Variants in PNPLA8 observed in about 807,000 individuals in gnomAD.
The protein encoded by PNPLA8 is patatin like domain 8, phospholipase A2, also known as calcium-independent phospholipase A2-gamma.
A neutral mutation model predicts 76.9 loss-of-function variants in PNPLA8; 39 were observed. The ratio of observed to expected loss-of-function variants is 0.51; its 90% CI spans 0.39 to 0.66. The LOEUF (loss-of-function observed/expected upper bound fraction) is 0.66, where lower values mean the gene tolerates loss of function less well. PNPLA8 is among the 30% of genes least tolerant of loss of function. The pLI is 0.00. For synonymous variants in PNPLA8, 301 were observed against 307.9 expected (o/e 0.98, Z 0.24); for missense variants, 887 against 918.0 (o/e 0.97, Z 0.44).
At chr7:108,497,415 A>AT (rs1272373094) in intron 6 of PNPLA8, 68 bp downstream of exon 6, 2 of 1,077,268 alleles carry the variant, frequency 1.9e-6, no homozygotes, top group East Asian at 2.4e-5. Context: ...GATCTTAAAC[A>AT]TAAGTGCTTA....
chr7:108,514,943 ATCT>A lies in PNPLA8; in HGVS notation c.546_548del (p.Glu182del), dbSNP rs1190119885. 1.2e-6 allele frequency: 2 copies of A among 1,609,564 alleles called. No homozygotes were observed. Among genetic ancestry groups the A allele is most frequent in the East Asian group, 2.2e-5 (1 of 44,858 alleles). ...AATGAAAAAGACTGCGTTTACCTAT[ATCT>A]TCTTCTTTGTCTATAATGTGACTTT... On this transcript the variant is annotated inframe_deletion, in exon 3 of 11. Transcript: ENST00000257694.
In PNPLA8 at chr7:108,515,239, T is replaced by G; in HGVS notation, c.253A>C (p.Lys85Gln). ...CCCTTGGGAGCAGAAGTGCTAAGTTTCAAAATCCCAATATGTAAACCATGG... is the reference window on the plus strand; with the variant it reads ...CCCTTGGGAGCAGAAGTGCTAAGTTGCAAAATCCCAATATGTAAACCATGG... The part of the protein sequence containing the change: ...SNHGLHIGIL[K>Q]LSTSAPKGLT... Residue 85 changes from lysine (K) to glutamine (Q), a missense_variant, in exon 3 of 11, where the codon AAA (lysine) becomes CAA (glutamine). Coordinates refer to ENST00000257694, the MANE Select transcript of PNPLA8 (RefSeq NM_001256007.3). The G allele has an allele frequency of 6.2e-7, 1 of 1,602,054 alleles. No individual in the cohort carries two copies. The highest frequency in any genetic ancestry group is 1.1e-5 in the South Asian group (1 of 90,220).
chr7:108,517,181 A>C (rs1245741679), intron 2 of PNPLA8, among the ~76,000 whole-genome samples: 1 of 152,252 alleles, frequency 6.6e-6, no homozygotes, highest in African/African-American at 2.4e-5. Flanking sequence ...TGTCATCAGG[A>C]AAATGCAAAC....
chr7:108,481,672 T>A (rs1357765533), intron 9 of PNPLA8, among the ~76,000 whole-genome samples: 1 of 152,228 alleles, frequency 6.6e-6, no homozygotes, highest in Admixed American at 6.5e-5. Context: ...CAGAGCTAAA[T>A]TTTTAATTTT....
intron 4 of PNPLA8, chr7:108,510,224 G>A: frequency 7.8e-7 from 1 of 1,283,414 alleles, no homozygotes; most frequent in Non-Finnish European, 1.1e-6. Context: ...TCTTTTTCCG[G>A]CTGGAACCAT....
intron 9 of PNPLA8, 103 bp from the exon 10 acceptor site, chr7:108,479,482 T>C: frequency 1.3e-6 from 1 of 776,968 alleles, no homozygotes; most frequent in African/African-American, 1.8e-5. Context: ...AGAGGTTCCT[T>C]AAAAGTGCAT....
chr7:108,476,025 CCAAT>C (rs1859966920), intron 10 of PNPLA8, among the ~76,000 whole-genome samples: 1 of 152,152 alleles, frequency 6.6e-6, no homozygotes, highest in Non-Finnish European at 1.5e-5. Context: ...GCTGTCTACA[CCAAT>C]CAAGTTTTCT....
At chr7:108,505,124 T>C (rs1022332824) in intron 4 of PNPLA8, among the ~76,000 whole-genome samples, 13 of 151,174 alleles carry the variant, frequency 8.6e-5, no homozygotes, top group Admixed American at 5.9e-4. Flanking sequence ...GATCCATATA[T>C]ACATCTCATT....
intron 9 of PNPLA8, among the ~76,000 whole-genome samples, chr7:108,481,897 G>C (rs749668838): frequency 1.3e-5 from 2 of 152,058 alleles, no homozygotes; most frequent in South Asian, 4.1e-4. Context: ...TGTGGTGGGG[G>C]TCTAGGAGAA....
In PNPLA8 at chr7:108,508,108, C is replaced by G. The variant is rs578063458; in HGVS notation, c.1207-5466G>C. ...AAACTGGAAGCATTCCCTTTGAAAA[C>G]TGGCACAAGACAGGGATGCCCTCTC... On this transcript the variant is annotated intron_variant, in intron 4 of 10. Transcript: ENST00000257694. 5.7e-3 allele frequency among the ~76,000 whole-genome samples: 146 copies of G among 25,680 alleles called. 3 individuals carry two copies. Among genetic ancestry groups the G allele is most frequent in the African/African-American group, 0.023 (133 of 5,676 alleles). 16.8% of individuals were successfully genotyped at this position (25,680 alleles called of 152,430 possible).
At chr7:108,515,668 C>A in intron 2 of PNPLA8, 94 bp from the exon 3 acceptor site, 1 of 620,860 alleles carries the variant, frequency 1.6e-6, no homozygotes, top group Non-Finnish European at 2.3e-6. Flanking sequence ...ACTCAGCAAG[C>A]TGTCTCAAAA....
intron 8 of PNPLA8, 35 bp downstream of exon 8, chr7:108,491,375 A>C: frequency 2.3e-6 from 3 of 1,312,506 alleles, no homozygotes; most frequent in Non-Finnish European, 3.3e-6. Flanking sequence ...CTTCAGATGG[A>C]ACTAGGTGTT....
In PNPLA8 at chr7:108,493,797, T is replaced by C. The variant is rs190021038; in HGVS notation, c.1626-2330A>G. 2.3e-4 allele frequency among the ~76,000 whole-genome samples: 35 copies of C among 152,042 alleles called. 1 individual carries two copies. The highest frequency in any genetic ancestry group is 1.4e-3 in the Admixed American group (21 of 15,278). ...CAAATACCAGTGGAATTTTTTTTTA[T>C]GTGATAAAAGTAGCCTAAGATTAAC... On this transcript the variant is annotated intron_variant, in intron 7 of 10. Transcript: ENST00000257694.
At chr7:108,520,985 G>T (rs575768692) in intron 2 of PNPLA8, among the ~76,000 whole-genome samples, 1 of 152,160 alleles carries the variant, frequency 6.6e-6, no homozygotes, top group East Asian at 1.9e-4. Context: ...GGACCCACAG[G>T]CCTGGAACAG....
At position 108,479,350 on chromosome 7, in the gene PNPLA8, C is replaced by T. The variant is rs1860230794; in HGVS notation, c.1908G>A (p.Ser636=). 3 of 1,612,338 alleles carry T rather than the reference C, an allele frequency of 1.9e-6. No individual in the cohort carries two copies. Among genetic ancestry groups the T allele is most frequent in the South Asian group, 1.1e-5 (1 of 90,796 alleles). The change falls in exon 10 of 11, where the codon TCG becomes TCA. Residue 636 remains serine, a synonymous_variant. Coordinates refer to ENST00000257694, the MANE Select transcript of PNPLA8 (RefSeq NM_001256007.3). The stretch of plus-strand genomic sequence containing the variant: ...ATTTACACTCATGCATAGCTAATGC[C>T]GAAGGGTTATTCAGAAGCAAACCTC... ...QDGGLLLNNP[S]ALAMHECKCL...
intron 10 of PNPLA8, among the ~76,000 whole-genome samples, chr7:108,476,627 C>T (rs1860013375): frequency 1.3e-5 from 2 of 152,194 alleles, no homozygotes; most frequent in Admixed American, 1.3e-4. Flanking sequence ...CCAGCAATCC[C>T]ACTCCGGGTA....
In PNPLA8 at chr7:108,515,250, A is replaced by G. The variant is rs757667730; in HGVS notation, c.242T>C (p.Ile81Thr). ...AGAAGTGCTAAGTTTCAAAATCCCAATATGTAAACCATGGTTGCTTGGAGA... is the reference window on the plus strand; with the variant it reads ...AGAAGTGCTAAGTTTCAAAATCCCAGTATGTAAACCATGGTTGCTTGGAGA... Reference protein sequence around the residue: ...CYSPSNHGLHIGILKLSTSAP... With the variant: ...CYSPSNHGLHTGILKLSTSAP... The change falls in exon 3 of 11, where the codon ATT becomes ACT. Residue 81 changes from isoleucine to threonine, a missense_variant. Physicochemically the swap from Ile to Thr is moderately conservative, Grantham distance 89 (BLOSUM62 -1). Coordinates refer to ENST00000257694, the MANE Select transcript of PNPLA8 (RefSeq NM_001256007.3). The G allele has an allele frequency of 2.5e-6, 4 of 1,602,636 alleles. No homozygotes were observed. The highest frequency in any genetic ancestry group is 1.1e-5 in the South Asian group (1 of 90,242).
rs1361560930 is a variant in PNPLA8 at position 108,479,240 on chromosome 7, T to G, written c.2018A>C (p.Tyr673Ser). 2.5e-6 allele frequency: 4 copies of G among 1,613,638 alleles called. No homozygotes were observed. The highest frequency in any genetic ancestry group is 3.4e-6 in the Non-Finnish European group (4 of 1,179,528). Residue 673 changes from tyrosine to serine, a missense_variant, in exon 10 of 11, where the codon TAC becomes TCC. By Grantham distance (144) the Tyr-to-Ser change is moderately radical. Coordinates refer to ENST00000257694, the MANE Select transcript of PNPLA8 (RefSeq NM_001256007.3). ...AGAAAGTTTAGTTTTCAAGCTTGTG[T>G]ATGTTACCGTGTTTCTCACATCACT... ...YESDVRNTVT[Y>S]TSLKTKLSNV...
chr7:108,513,308 A>T (rs1863070176), intron 4 of PNPLA8, among the ~76,000 whole-genome samples: 1 of 152,122 alleles, frequency 6.6e-6, no homozygotes, highest in Non-Finnish European at 1.5e-5. Context: ...AAATTATAGG[A>T]CCATAAAATA....
Sources: allele counts gnomAD v4.1 joint callset (sites outside exome capture counted in the v4.1 genomes callset), GRCh38; gene constraint gnomAD v4.1.1; transcripts MANE v1.5; gene names NCBI Gene and HGNC (gene_info 2026-07-23, HGNC 2026-07-21).